The following GHR variants were observed in gnomAD, a reference collection of about 807,000 sequenced individuals.
The protein encoded by GHR is GH receptor.
GHR carries 35 observed loss-of-function variants against 67.1 expected under a neutral mutation model. The ratio of observed to expected loss-of-function variants is 0.52; its 90% CI spans 0.40 to 0.69. The LOEUF is 0.69. Among genes scored for constraint, GHR ranks in the 30% least tolerant of loss-of-function variants. The pLI, the probability that GHR is intolerant of heterozygous loss-of-function variation, is 0.00. For synonymous variants in GHR, 272 were observed against 269.1 expected (o/e 1.01, Z -0.10); for missense variants, 792 against 764.6 (o/e 1.04, Z -0.42).
At chr5:42,489,150 C>T (rs1746006903) in intron 1 of GHR, among the ~76,000 whole-genome samples, 1 of 152,060 alleles carries the variant, frequency 6.6e-6, no homozygotes, top group African/African-American at 2.4e-5. Flanking sequence ...TCTGCCTTAC[C>T]CTCTCTTTTT....
chr5:42,478,958 G>C (rs1211664459), intron 1 of GHR, among the ~76,000 whole-genome samples: 1 of 152,120 alleles, frequency 6.6e-6, no homozygotes, highest in African/African-American at 2.4e-5. Flanking sequence ...TCCCTGTTTT[G>C]TGCCCGTTTT....
intron 3 of GHR, among the ~76,000 whole-genome samples, chr5:42,657,590 TG>T (rs1211218199): frequency 1.3e-5 from 2 of 152,220 alleles, no homozygotes; most frequent in Non-Finnish European, 2.9e-5. Flanking sequence ...AATATGCACC[TG>T]ACCTCTTCTC....
At chr5:42,568,267 G>A (rs992590523) in intron 2 of GHR, among the ~76,000 whole-genome samples, 5 of 152,136 alleles carry the variant, frequency 3.3e-5, no homozygotes, top group African/African-American at 9.7e-5. Context: ...GAAATTTAAT[G>A]AGAACTAAAT....
chr5:42,433,687 C>A (rs1477572476), intron 1 of GHR, among the ~76,000 whole-genome samples: 1 of 150,108 alleles, frequency 6.7e-6, no homozygotes, highest in African/African-American at 2.5e-5. Context: ...GGAAGAGTGG[C>A]CTTCATGGGC....
chr5:42,440,412 G>A (rs1743513965), intron 1 of GHR, among the ~76,000 whole-genome samples: 2 of 152,130 alleles, frequency 1.3e-5, no homozygotes, highest in African/African-American at 4.8e-5. Flanking sequence ...TAGGATCCAG[G>A]AAGATACTTA....
At chr5:42,617,489 A>C (rs1050667055) in intron 2 of GHR, among the ~76,000 whole-genome samples, 41 of 151,892 alleles carry the variant, frequency 2.7e-4, no homozygotes, top group Admixed American at 2.7e-3. Flanking sequence ...ACCCAGAAGT[A>C]TCTTTGTCAA....
intron 3 of GHR, among the ~76,000 whole-genome samples, chr5:42,630,522 G>A (rs141742782): frequency 7.6e-6 from 1 of 131,840 alleles, no homozygotes; most frequent in Admixed American, 7.3e-5. Flanking sequence ...AAAAAGGAGA[G>A]CTGGTACTGT....
intron 1 of GHR, among the ~76,000 whole-genome samples, chr5:42,506,655 A>C (rs1450273785): frequency 1.3e-5 from 2 of 152,174 alleles, no homozygotes; most frequent in Non-Finnish European, 2.9e-5. Flanking sequence ...CAGTACATGA[A>C]AATATATAGT....
At chr5:42,539,942 A>G (rs1748428303) in intron 1 of GHR, among the ~76,000 whole-genome samples, 1 of 152,176 alleles carries the variant, frequency 6.6e-6, no homozygotes, top group South Asian at 2.1e-4. Flanking sequence ...TAAGTACTGT[A>G]TAGGTTTTTG....
intron 3 of GHR, among the ~76,000 whole-genome samples, chr5:42,657,195 C>T (rs1169193728): frequency 6.6e-6 from 1 of 152,082 alleles, no homozygotes; most frequent in East Asian, 1.9e-4. Flanking sequence ...CTCATGGAGG[C>T]AGCAAAACAC....
chr5:42,461,933 C>T (rs1457322303), intron 1 of GHR, among the ~76,000 whole-genome samples: 1 of 152,184 alleles, frequency 6.6e-6, no homozygotes, highest in Non-Finnish European at 1.5e-5. Flanking sequence ...TAAGACTTTG[C>T]CTCTGGCAGA....
At chr5:42,585,195 G>A (rs890245581) in intron 2 of GHR, among the ~76,000 whole-genome samples, 5 of 152,182 alleles carry the variant, frequency 3.3e-5, no homozygotes, top group African/African-American at 1.2e-4. Context: ...GGTAGGATCT[G>A]GTTTTCCACT....
intron 1 of GHR, among the ~76,000 whole-genome samples, chr5:42,532,862 A>G (rs1046902273): frequency 1.3e-5 from 2 of 152,186 alleles, no homozygotes; most frequent in African/African-American, 4.8e-5. Flanking sequence ...GAATTGATAC[A>G]ATTTTTAATT....
intron 8 of GHR, among the ~76,000 whole-genome samples, chr5:42,716,833 A>G (rs1758748131): frequency 6.6e-6 from 1 of 152,214 alleles, no homozygotes; most frequent in Admixed American, 6.5e-5. Flanking sequence ...TGTACTCCTT[A>G]TGGAATGGAC....
chr5:42,597,355 A>G (rs932765389), intron 2 of GHR, among the ~76,000 whole-genome samples: 1 of 152,186 alleles, frequency 6.6e-6, no homozygotes, highest in African/African-American at 2.4e-5. Context: ...TTTTAATATA[A>G]TTTAATTTTA....
intron 1 of GHR, among the ~76,000 whole-genome samples, chr5:42,463,764 C>T (rs1013966976): frequency 1.1e-4 from 17 of 151,670 alleles, no homozygotes; most frequent in Admixed American, 2.0e-4. Flanking sequence ...GAGGCCGAGG[C>T]GGGTGGATCA....
chr5:42,507,864 A>G (rs138711535), intron 1 of GHR, among the ~76,000 whole-genome samples: 7 of 152,268 alleles, frequency 4.6e-5, no homozygotes, highest in Non-Finnish European at 1.0e-4. Context: ...CAACCTTCTA[A>G]TCTCCATTGT....
chr5:42,535,534 T>C (rs1383795453), intron 1 of GHR, among the ~76,000 whole-genome samples: 1 of 152,206 alleles, frequency 6.6e-6, no homozygotes. Context: ...TTCATACCAA[T>C]ACCATGCTGT....
chr5:42,534,628 G>A (rs1178579423), intron 1 of GHR, among the ~76,000 whole-genome samples: 2 of 151,938 alleles, frequency 1.3e-5, no homozygotes, highest in African/African-American at 4.8e-5. Context: ...ATAAATGTGT[G>A]CAAGTATCTT....
Sources: gnomAD v4.1 joint callset for allele counts (sites outside exome capture counted in the v4.1 genomes callset) on GRCh38, gnomAD v4.1.1 for gene constraint, MANE v1.5 for transcripts, NCBI Gene and HGNC (gene_info 2026-07-23, HGNC 2026-07-21) for gene names.